The following GON4L variants were observed in gnomAD, a reference collection of about 807,000 sequenced individuals.
GON4L encodes the protein gon-4 like.
A neutral mutation model predicts 211.8 loss-of-function variants in GON4L; 87 were observed. The observed-to-expected ratio is 0.41, with a 90% confidence interval of 0.35 to 0.49. The LOEUF (loss-of-function observed/expected upper bound fraction) is 0.49, where lower values mean the gene tolerates loss of function less well. Among genes scored for constraint, GON4L ranks in the 20% least tolerant of loss-of-function variants. GON4L has a pLI of 0.15. For synonymous variants in GON4L, 875 were observed against 962.6 expected (o/e 0.91, Z 1.68); for missense variants, 2,155 against 2,659.5 (o/e 0.81, Z 4.17).
At chr1:155,767,779 T>C (rs1662689215) in intron 19 of GON4L, among the ~76,000 whole-genome samples, 1 of 152,206 alleles carries the variant, frequency 6.6e-6, no homozygotes, top group African/African-American at 2.4e-5. Context: ...TTCAATATTT[T>C]CTAACTGATG....
rs16837056 is a variant in GON4L at position 155,822,531 on chromosome 1, T to C, written c.698-55A>G. ...TTCCAAAATAGCTGCTCCAGGAACT[T>C]AGCCCAGAAAGCCAACAGTAAAGTG... On this transcript the variant is annotated intron_variant, in intron 3 of 31. Coordinates refer to ENST00000368331, the MANE Select transcript of GON4L (RefSeq NM_001282860.2). 1.9e-3 allele frequency: 2,655 copies of C among 1,376,376 alleles called. 50 individuals carry two copies. In the African/African-American group the frequency reaches 0.034, roughly 17 times the overall value. The allele number at this position is 1,376,376 out of a possible 1,614,324, so 85.3% of individuals were successfully genotyped here.
intron 4 of GON4L, among the ~76,000 whole-genome samples, chr1:155,822,075 ATTC>A (rs796895731): frequency 9.2e-5 from 14 of 152,332 alleles, no homozygotes; most frequent in African/African-American, 3.4e-4. Context: ...TTCCAATTAA[ATTC>A]TTCTTTAACA....
chr1:155,804,287 G>A (rs539077414), intron 11 of GON4L, among the ~76,000 whole-genome samples: 11 of 152,186 alleles, frequency 7.2e-5, no homozygotes, highest in South Asian at 4.2e-4. Context: ...ACCTGAGGAC[G>A]ATCTCTTGAG....
intron 2 of GON4L, among the ~76,000 whole-genome samples, chr1:155,840,896 G>T (rs148602650): frequency 1.3e-5 from 2 of 152,134 alleles, no homozygotes; most frequent in Admixed American, 6.6e-5. Flanking sequence ...TTAGCTGGGC[G>T]TGGTAGTACA....
At chr1:155,766,765 G>A (rs1662538529) in intron 20 of GON4L, 56 bp from the exon 21 acceptor site, 3 of 1,608,622 alleles carry the variant, frequency 1.9e-6, no homozygotes, top group Non-Finnish European at 2.5e-6. Context: ...GGAAAAAGAG[G>A]CTTGGCACAG....
At chr1:155,780,595 AAAAAT>A (rs760727182) in intron 14 of GON4L, among the ~76,000 whole-genome samples, 1 of 151,898 alleles carries the variant, frequency 6.6e-6, no homozygotes, top group African/African-American at 2.4e-5. Context: ...TCCATTTCAA[AAAAAT>A]AAAATAAAAT....
chr1:155,769,000 CAG>C (rs1477724064), intron 19 of GON4L, among the ~76,000 whole-genome samples: 1 of 152,090 alleles, frequency 6.6e-6, no homozygotes, highest in Non-Finnish European at 1.5e-5. Flanking sequence ...ATCTTTGAGA[CAG>C]AGACTCCTCT....
At position 155,815,798 on chromosome 1, in the gene GON4L, C is replaced by T. The variant is rs1668188653; in HGVS notation, c.1161+7G>A. ...AAGACAAATATTACCAACTAACATT[C>T]ACTGACCTCTTCAGCAGTTTCATCT... is the stretch of plus-strand genomic sequence containing the variant. On this transcript the variant is annotated splice_region_variant and intron_variant, in intron 8 of 31. Coordinates refer to ENST00000368331, the MANE Select transcript of GON4L (RefSeq NM_001282860.2). 4 of 1,505,392 alleles carry T rather than the reference C, an allele frequency of 2.7e-6. No individual in the cohort carries two copies. The highest frequency in any genetic ancestry group is 3.7e-6 in the Non-Finnish European group (4 of 1,081,498). 93.3% of individuals were successfully genotyped at this position (1,505,392 alleles called of 1,614,324 possible).
chr1:155,858,803 C>T (rs548237285), upstream of GON4L, among the ~76,000 whole-genome samples: 36 of 150,568 alleles, frequency 2.4e-4, no homozygotes, highest in African/African-American at 8.6e-4. Flanking sequence ...ACCTCCTGGG[C>T]TCAAGCGATC....
intron 31 of GON4L, 125 bp downstream of exon 31, chr1:155,751,642 T>TA: frequency 1.5e-6 from 1 of 683,096 alleles, no homozygotes; most frequent in Non-Finnish European, 2.6e-6. Context: ...AGCCTTTCCT[T>TA]AGATCAAACC....
intron 29 of GON4L, 115 bp downstream of exon 29, chr1:155,753,089 G>A (rs1660784982): frequency 2.7e-6 from 2 of 747,446 alleles, no homozygotes; most frequent in East Asian, 5.3e-5. Context: ...ATCAGTGAAA[G>A]AGGTGGTATA....
chr1:155,812,575 G>GTTA (rs1667886921), intron 10 of GON4L, among the ~76,000 whole-genome samples: 1 of 150,248 alleles, frequency 6.7e-6, no homozygotes, highest in African/African-American at 2.5e-5. Context: ...TTTTTTTTTG[G>GTTA]GACAGAGTCT....
At chr1:155,753,874 AT>A (rs1203636372) in intron 28 of GON4L, 7,896 of 186,398 alleles carry the variant, frequency 0.042, no homozygotes, top group South Asian at 0.11. Context: ...CAAGGATTTG[AT>A]TTTTTTTTTT....
intron 11 of GON4L, among the ~76,000 whole-genome samples, chr1:155,801,112 C>CAAAAAAAAAAAAAAAAAAAAAAAA: frequency 1.4e-5 from 1 of 73,634 alleles, no homozygotes. Context: ...TGCTGCTGCT[C>CAAAAAAAAAAAAAAAAAAAAAAAA]AAAAAAAAAA....
At chr1:155,807,734 GA>G (rs1201855568) in intron 10 of GON4L, among the ~76,000 whole-genome samples, 1 of 81,488 alleles carries the variant, frequency 1.2e-5, no homozygotes, top group African/African-American at 3.9e-5. Context: ...AAGAAAATCA[GA>G]AAGTGTGAGA....
chr1:155,813,626 A>G lies in GON4L; in HGVS notation c.1452+8T>C, dbSNP rs1016651277. On this transcript the variant is annotated splice_region_variant and intron_variant, in intron 10 of 31. Transcript: ENST00000368331. The stretch of plus-strand genomic sequence containing the variant: ...ACTTTCTCAGTTAAGTACAGTTTTA[A>G]TATTTACCTGGAAAGAATCCATGCA... 1 of 1,602,370 alleles carries G rather than the reference A, an allele frequency of 6.2e-7. No homozygotes were observed. The highest frequency in any genetic ancestry group is 8.6e-7 in the Non-Finnish European group (1 of 1,169,316).
rs765578991 is a variant in GON4L at position 155,754,476 on chromosome 1, G to A, written c.5530C>T (p.Pro1844Ser). 1.9e-6 allele frequency: 3 copies of A among 1,603,608 alleles called. No individual in the cohort carries two copies. The highest frequency in any genetic ancestry group is 2.7e-5 in the African/African-American group (2 of 74,370). Residue 1844 changes from proline (P) to serine (S), a missense_variant, in exon 28 of 32, where the codon CCA becomes TCA. Physicochemically the swap from Pro to Ser is moderately conservative, Grantham distance 74 (BLOSUM62 -1). Coordinates refer to ENST00000368331, the MANE Select transcript of GON4L (RefSeq NM_001282860.2). ...CAGGCACAGTCCTTGGCCCCATCTG[G>A]CCATTCAGTCTCCTAGGAGATACTT... ...VQNHDKETEW[P>S]DGAKDCACSC...
chr1:155,747,983 C>G, downstream of GON4L: 2 of 1,589,458 alleles, frequency 1.3e-6, no homozygotes, highest in East Asian at 4.5e-5. Flanking sequence ...CGAGGAGGCC[C>G]AGAGAAACAT....
At position 155,751,758 on chromosome 1, in the gene GON4L, C is replaced by T. The variant is rs374668030; in HGVS notation, c.6576+9G>A. On this transcript the variant is annotated intron_variant, in intron 31 of 31. Coordinates refer to ENST00000368331, the MANE Select transcript of GON4L (RefSeq NM_001282860.2). Reference sequence around the variant, plus strand: ...TTTTTGCCAGGTCTTCACCCCAACCCGCACCTACCTCAGCAGGGGTCTTAT... The same window carrying T: ...TTTTTGCCAGGTCTTCACCCCAACCTGCACCTACCTCAGCAGGGGTCTTAT... 7.5e-6 allele frequency: 12 copies of T among 1,595,192 alleles called. No homozygotes were observed. The highest frequency in any genetic ancestry group is 5.1e-5 in the Admixed American group (3 of 58,994).
Sources: allele counts gnomAD v4.1 joint callset (sites outside exome capture counted in the v4.1 genomes callset), GRCh38; gene constraint gnomAD v4.1.1; transcripts MANE v1.5; gene names NCBI Gene and HGNC (gene_info 2026-07-23, HGNC 2026-07-21).